STK39: variants seen among roughly 807,000 people sequenced by gnomAD.
The protein encoded by STK39 is STE20/SPS1-related proline-alanine-rich protein kinase.
STK39 carries 20 observed loss-of-function variants against 77.8 expected under a neutral mutation model. The ratio of observed to expected loss-of-function variants is 0.26; its 90% CI spans 0.18 to 0.37. The LOEUF (loss-of-function observed/expected upper bound fraction) is 0.37. Ranked by LOEUF, STK39 falls within the 10% of genes least tolerant of loss-of-function variation. The probability of loss-of-function intolerance (pLI) is 1.00; values close to 1 mark genes in which losing one functional copy is unlikely to be tolerated. For missense variants in STK39, 479 were observed against 656.5 expected (o/e 0.73, Z 2.95); for synonymous variants, 246 against 234.1 (o/e 1.05, Z -0.47).
At chr2:168,153,018 C>G (rs1358329653) in intron 5 of STK39, among the ~76,000 whole-genome samples, 7 of 152,126 alleles carry the variant, frequency 4.6e-5, no homozygotes, top group Non-Finnish European at 1.0e-4. Context: ...CCAGTTGCTA[C>G]AAGTATTTAA....
chr2:168,144,470 A>C (rs1216677771), intron 5 of STK39, among the ~76,000 whole-genome samples: 1 of 151,066 alleles, frequency 6.6e-6, no homozygotes, highest in Non-Finnish European at 1.5e-5. Context: ...TGCCCATCTA[A>C]TTTATTTTTA....
At chr2:168,240,271 C>A (rs1690726562) in intron 1 of STK39, among the ~76,000 whole-genome samples, 1 of 152,162 alleles carries the variant, frequency 6.6e-6, no homozygotes, top group Non-Finnish European at 1.5e-5. Context: ...CACTGTGCTT[C>A]AAATTAAGTC....
intron 10 of STK39, among the ~76,000 whole-genome samples, chr2:168,118,950 C>T (rs1355565280): frequency 1.3e-5 from 2 of 152,184 alleles, no homozygotes; most frequent in East Asian, 3.8e-4. Context: ...CACCAATGAG[C>T]TCACACTCTG....
intron 16 of STK39, among the ~76,000 whole-genome samples, chr2:167,968,741 C>G (rs1163276153): frequency 6.6e-6 from 1 of 152,098 alleles, no homozygotes; most frequent in African/African-American, 2.4e-5. Context: ...AATCCAAGCT[C>G]TAAGTAAGGA....
rs1684596313 is a variant in STK39 at position 168,022,547 on chromosome 2, T to C, written c.1377-5452A>G. Among the ~76,000 whole-genome samples, 2 of 152,328 alleles carry C rather than the reference T, an allele frequency of 1.3e-5. 1 individual carries two copies. On this transcript the variant is annotated intron_variant, in intron 14 of 17. Transcript: ENST00000355999. Reference sequence around the variant, plus strand: ...GACTCAATGTTGCTCAATATTCAGATTTGTCAGAGAAAAAAGAAATTTGAA... The same window carrying C: ...GACTCAATGTTGCTCAATATTCAGACTTGTCAGAGAAAAAAGAAATTTGAA...
At chr2:168,016,721 G>A (rs943945673) in intron 15 of STK39, among the ~76,000 whole-genome samples, 4 of 152,168 alleles carry the variant, frequency 2.6e-5, no homozygotes, top group African/African-American at 9.7e-5. Context: ...TAGGACTGTG[G>A]TATGCTTCTC....
At chr2:168,191,554 T>A (rs1689340907) in intron 1 of STK39, among the ~76,000 whole-genome samples, 1 of 152,166 alleles carries the variant, frequency 6.6e-6, no homozygotes. Context: ...AAAAAGCAGA[T>A]TCTTAACCCT....
At chr2:168,084,211 G>A (rs1686310577) in intron 10 of STK39, among the ~76,000 whole-genome samples, 1 of 152,132 alleles carries the variant, frequency 6.6e-6, no homozygotes, top group Non-Finnish European at 1.5e-5. Context: ...GAGAAAATCT[G>A]GATTTCTGAA....
At chr2:167,958,477 T>G (rs148926996) in intron 17 of STK39, among the ~76,000 whole-genome samples, 5 of 152,286 alleles carry the variant, frequency 3.3e-5, no homozygotes, top group Admixed American at 2.6e-4. Flanking sequence ...AAAATAACCA[T>G]AGTTCCCCTA....
intron 16 of STK39, among the ~76,000 whole-genome samples, chr2:167,990,344 T>A (rs16854501): frequency 0.016 from 2,435 of 152,330 alleles, 78 homozygotes; most frequent in African/African-American, 0.053. Flanking sequence ...ATATTTTTTC[T>A]ATTTCCAAAG....
At chr2:168,069,406 T>TTA (rs1459410180) in intron 12 of STK39, among the ~76,000 whole-genome samples, 1 of 152,248 alleles carries the variant, frequency 6.6e-6, no homozygotes, top group Non-Finnish European at 1.5e-5. Flanking sequence ...ATTTCCATAA[T>TTA]TAGCCAAGTC....
intron 14 of STK39, among the ~76,000 whole-genome samples, chr2:168,058,014 T>G (rs1237977916): frequency 6.6e-6 from 1 of 152,108 alleles, no homozygotes; most frequent in Admixed American, 6.5e-5. Context: ...TAAACATGCT[T>G]TTTTTAAAAA....
intron 16 of STK39, among the ~76,000 whole-genome samples, chr2:168,004,078 G>C (rs969239260): frequency 3.9e-5 from 6 of 152,184 alleles, no homozygotes; most frequent in African/African-American, 1.4e-4. Flanking sequence ...ACTGAGCAGA[G>C]AGATTTTGTT....
In STK39 at chr2:168,019,869, A is replaced by T. The variant is rs1250273901; in HGVS notation, c.1377-2774T>A. ...CAGGAGTGTGCTACCACGCCCAGCT[A>T]ATTTTTTGTATTTTTAGTAGAGACA... is the stretch of plus-strand genomic sequence containing the variant. On this transcript the variant is annotated intron_variant, in intron 14 of 17. Coordinates refer to ENST00000355999, the MANE Select transcript of STK39 (RefSeq NM_013233.3). Among the ~76,000 whole-genome samples the T allele has an allele frequency of 2.6e-5, 4 of 151,830 alleles. No individual in the cohort carries two copies. In the East Asian group the frequency reaches 7.7e-4, roughly 29 times the overall value.
intron 2 of STK39, among the ~76,000 whole-genome samples, chr2:168,168,002 TA>T (rs1315212329): frequency 1.3e-5 from 2 of 151,876 alleles, no homozygotes; most frequent in Non-Finnish European, 2.9e-5. Flanking sequence ...GCAGGCGAAG[TA>T]AAATAAGCTT....
intron 8 of STK39, among the ~76,000 whole-genome samples, 157 bp downstream of exon 8, chr2:168,137,931 G>A (rs761616923): frequency 5.3e-5 from 8 of 152,132 alleles, no homozygotes; most frequent in African/African-American, 1.4e-4. Flanking sequence ...GACCCACACC[G>A]TCTTTCACTA....
chr2:168,185,518 C>T (rs1178085410), intron 1 of STK39, among the ~76,000 whole-genome samples: 1 of 152,190 alleles, frequency 6.6e-6, no homozygotes, highest in Non-Finnish European at 1.5e-5. Flanking sequence ...ATTTTCCCCT[C>T]TGTACTGCTG....
chr2:168,177,562 T>TAAATAGAAGGA (rs1409787825), intron 2 of STK39, among the ~76,000 whole-genome samples: 21 of 152,166 alleles, frequency 1.4e-4, no homozygotes, highest in Non-Finnish European at 1.6e-4. Context: ...GGGGTTAGGG[T>TAAATAGAAGGA]AAATAGAAGG....
chr2:168,074,483 T>C (rs534131705), intron 12 of STK39, among the ~76,000 whole-genome samples: 2 of 152,310 alleles, frequency 1.3e-5, no homozygotes, highest in East Asian at 3.9e-4. Flanking sequence ...ATTTTTTGAG[T>C]GCTCCTTAAC....
Sources: gnomAD v4.1 joint callset for allele counts (sites outside exome capture counted in the v4.1 genomes callset) on GRCh38, gnomAD v4.1.1 for gene constraint, MANE v1.5 for transcripts, NCBI Gene and HGNC (gene_info 2026-07-23, HGNC 2026-07-21) for gene names.